STAG1: variants seen among roughly 807,000 people sequenced by gnomAD.
The protein encoded by STAG1 is cohesin subunit SA-1.
In STAG1, 26 loss-of-function variants were observed where a neutral mutation model predicts 170.9. The ratio of observed to expected loss-of-function variants is 0.15; its 90% CI spans 0.11 to 0.21. The LOEUF (loss-of-function observed/expected upper bound fraction) is 0.21, where lower values mean the gene tolerates loss of function less well. STAG1 is among the 10% of genes least tolerant of loss of function. STAG1 has a pLI of 1.00. For synonymous variants in STAG1, 514 were observed against 497.7 expected (o/e 1.03, Z -0.44); for missense variants, 964 against 1,509.5 (o/e 0.64, Z 5.99).
In STAG1 at chr3:136,341,201, G is replaced by A. The variant is rs1417043908; in HGVS notation, c.3557+240C>T. ...CTGGGATTACAGGCGGAGCCACCGCGCCTAGCCAGCACAGATGTTTTAGAG... is the reference window on the plus strand; with the variant it reads ...CTGGGATTACAGGCGGAGCCACCGCACCTAGCCAGCACAGATGTTTTAGAG... On this transcript the variant is annotated intron_variant, in intron 31 of 33. Transcript: ENST00000383202. Among the ~76,000 whole-genome samples the A allele has an allele frequency of 3.3e-5, 5 of 152,204 alleles. No individual in the cohort carries two copies. The highest frequency in any genetic ancestry group is 5.9e-5 in the Non-Finnish European group (4 of 68,042).
intron 1 of STAG1, among the ~76,000 whole-genome samples, chr3:136,646,371 G>C (rs1941013901): frequency 6.6e-6 from 1 of 152,084 alleles, no homozygotes; most frequent in Admixed American, 6.6e-5. Context: ...CTATTTCAAA[G>C]TTTTACTAAT....
At chr3:136,601,969 AGAT>A (rs764519889) in intron 4 of STAG1, among the ~76,000 whole-genome samples, 1 of 152,220 alleles carries the variant, frequency 6.6e-6, no homozygotes, top group Non-Finnish European at 1.5e-5. Flanking sequence ...TTTCAAATAT[AGAT>A]GATGATAAGA....
chr3:136,338,326 A>G (rs374505679), intron 33 of STAG1, 44 bp downstream of exon 33: 1 of 1,583,726 alleles, frequency 6.3e-7, no homozygotes, highest in Non-Finnish European at 8.7e-7. Flanking sequence ...CATAAACAGG[A>G]CCCAGGAACC....
chr3:136,466,094 G>A lies in STAG1; in HGVS notation c.1206-1106C>T, dbSNP rs564611348. On this transcript the variant is annotated intron_variant, in intron 12 of 33. Coordinates refer to ENST00000383202, the MANE Select transcript of STAG1 (RefSeq NM_005862.3). ...AGCTGAAAATTCTAAAAATCAGATC[G>A]CCTCTCCCCCTCCAAAGAAACAGAG... Among the ~76,000 whole-genome samples the A allele has an allele frequency of 4.6e-5, 7 of 152,246 alleles. No homozygotes were observed. The East Asian group carries it at 7.7e-4, about 17-fold the overall frequency.
At chr3:136,621,221 G>A (rs1939835741) in intron 3 of STAG1, among the ~76,000 whole-genome samples, 1 of 152,178 alleles carries the variant, frequency 6.6e-6, no homozygotes, top group Non-Finnish European at 1.5e-5. Context: ...TAGCCTGCTG[G>A]TGGGGTGGTA....
rs183902276 is a variant in STAG1, at chr3:136,372,372, C to T, written c.2371-3090G>A. Among the ~76,000 whole-genome samples, 6 of 152,332 alleles carry T rather than the reference C, an allele frequency of 3.9e-5. No individual in the cohort carries two copies. The East Asian group carries it at 1.2e-3, about 29-fold the overall frequency. ...TCCTGCCTGACTGCCCGGACCAGAACTTCCAACACTATACTGAATAGGAGT... is the reference window on the plus strand; with the variant it reads ...TCCTGCCTGACTGCCCGGACCAGAATTTCCAACACTATACTGAATAGGAGT... On this transcript the variant is annotated intron_variant, in intron 23 of 33. Coordinates refer to ENST00000383202, the MANE Select transcript of STAG1 (RefSeq NM_005862.3).
chr3:136,376,868 G>A (rs1286430561), intron 23 of STAG1, among the ~76,000 whole-genome samples: 2 of 151,736 alleles, frequency 1.3e-5, no homozygotes, highest in Non-Finnish European at 2.9e-5. Context: ...TTGGCTCACT[G>A]CAACCTCTGT....
chr3:136,359,361 T>A, intron 26 of STAG1, 65 bp from the exon 27 acceptor site: 2 of 1,215,862 alleles, frequency 1.6e-6, no homozygotes, highest in African/African-American at 3.1e-5. Flanking sequence ...ATTTTCAGAA[T>A]AGGTAATTAA....
chr3:136,624,213 C>T (rs1395589167), intron 2 of STAG1, among the ~76,000 whole-genome samples: 3 of 151,970 alleles, frequency 2.0e-5, no homozygotes, highest in Non-Finnish European at 4.4e-5. Context: ...ATTCTCCTGC[C>T]TCAGCCTCCC....
intron 24 of STAG1, among the ~76,000 whole-genome samples, 192 bp from the exon 25 acceptor site, chr3:136,367,274 T>A (rs1398448385): frequency 6.6e-6 from 1 of 152,126 alleles, no homozygotes; most frequent in Non-Finnish European, 1.5e-5. Flanking sequence ...TTATCAAACA[T>A]TTAATAGGTA....
At position 136,623,023 on chromosome 3, in the gene STAG1, T is replaced by C. The variant is rs866487524; in HGVS notation, c.132+123A>G. 9.1e-5 allele frequency: 68 copies of C among 750,132 alleles called. 1 individual carries two copies. The South Asian group carries it at 1.3e-3, about 15-fold the overall frequency. 46.5% of individuals were successfully genotyped at this position (750,132 alleles called of 1,614,324 possible). A position where few individuals can be genotyped will look rare whatever the true frequency, so the allele number is the denominator to read the frequency against. Reference sequence around the variant, plus strand: ...AATTTATGTGAAAAAAAGTTTCCAATCTCTATTGTGTCACTGAATTTTTTT... The same window carrying C: ...AATTTATGTGAAAAAAAGTTTCCAACCTCTATTGTGTCACTGAATTTTTTT... On this transcript the variant is annotated intron_variant, in intron 3 of 33. Transcript: ENST00000383202.
chr3:136,477,912 C>T (rs11719310), intron 9 of STAG1, among the ~76,000 whole-genome samples: 52,137 of 151,960 alleles, frequency 0.34, 11,270 homozygotes, highest in East Asian at 0.81. Flanking sequence ...GCCTCAGCCA[C>T]CCAAGTAGCT....
At chr3:136,623,041 A>AT (rs1490677641) in intron 3 of STAG1, 105 bp downstream of exon 3, 29 of 945,416 alleles carry the variant, frequency 3.1e-5, no homozygotes, top group East Asian at 5.5e-5. Flanking sequence ...GTGTCACTGA[A>AT]TTTTTTTTAA....
chr3:136,587,011 T>C (rs2107786700), intron 4 of STAG1: 15 of 392,334 alleles, frequency 3.8e-5, no homozygotes, highest in South Asian at 2.9e-4. Context: ...CTAACTCTGG[T>C]ATTGGATGGT....
chr3:136,613,313 C>CAAAAAAAAAAAAAAAA (rs60449608), intron 3 of STAG1, among the ~76,000 whole-genome samples: 13 of 59,760 alleles, frequency 2.2e-4, no homozygotes, highest in Admixed American at 2.9e-4. Context: ...GACTCCGTCT[C>CAAAAAAAAAAAAAAAA]AAAAAAAAAA....
intron 3 of STAG1, among the ~76,000 whole-genome samples, chr3:136,613,318 A>AAAAAAAAAAAG (rs1226563063): frequency 1.4e-5 from 2 of 146,540 alleles, no homozygotes; most frequent in Non-Finnish European, 3.0e-5. Flanking sequence ...CGTCTCAAAA[A>AAAAAAAAAAAG]AAAAAAAAAA....
chr3:136,657,189 CTTTTTTTTTTTTTTTTTT>C (rs67826395), intron 1 of STAG1, among the ~76,000 whole-genome samples: 3 of 92,290 alleles, frequency 3.3e-5, no homozygotes, highest in Non-Finnish European at 6.3e-5. Context: ...TTCTTTCTTT[CTTTTTTTTTTTTTTTTTT>C]TTTTTTTTTG....
In STAG1 at chr3:136,632,347, T is replaced by C. The variant is rs188172328; in HGVS notation, c.-83-1366A>G. ...TTAACAAAGAAAGAAGCTGCAAAAT[T>C]TGGTGAGAAGGCACTATGGCGTCTT... On this transcript the variant is annotated intron_variant, in intron 1 of 33. Coordinates refer to ENST00000383202, the MANE Select transcript of STAG1 (RefSeq NM_005862.3). Among the ~76,000 whole-genome samples the C allele has an allele frequency of 2.2e-4, 34 of 152,250 alleles. 1 individual carries two copies. The East Asian group carries it at 6.0e-3, about 27-fold the overall frequency.
intron 21 of STAG1, among the ~76,000 whole-genome samples, chr3:136,401,077 C>T (rs949214412): frequency 1.3e-5 from 2 of 152,076 alleles, no homozygotes; most frequent in African/African-American, 4.8e-5. Flanking sequence ...GCTATGACAC[C>T]AATACCCCAC....
Sources: gnomAD v4.1 joint callset for allele counts (sites outside exome capture counted in the v4.1 genomes callset) on GRCh38, gnomAD v4.1.1 for gene constraint, MANE v1.5 for transcripts, NCBI Gene and HGNC (gene_info 2026-07-23, HGNC 2026-07-21) for gene names.